The following POLA1 variants were observed in gnomAD, a reference collection of about 807,000 sequenced individuals.
POLA1 encodes DNA polymerase alpha 1, catalytic subunit.
Under a neutral mutation model 124.0 loss-of-function variants are expected in POLA1, and 15 were observed. The ratio of observed to expected loss-of-function variants is 0.12; its 90% CI spans 0.08 to 0.19. The LOEUF is 0.19. POLA1 is among the 10% of genes least tolerant of loss of function. The pLI is 1.00. For synonymous variants in POLA1, 408 were observed against 389.4 expected, an observed-to-expected ratio of 1.05 and a Z score of -0.56; for missense variants, 886 against 1,103.4, an observed-to-expected ratio of 0.80 and a Z score of 2.79.
At chrX:24,741,864 TTTTTTTTTTAAAAAAAAAGCAGACCG>T in intron 21 of POLA1, 112 bp from the exon 22 acceptor site, 1 of 466,033 alleles carries the variant, frequency 2.1e-6, no homozygotes, top group Non-Finnish European at 3.5e-6. Flanking sequence ...TTAGTACCTT[TTTTTTTTTTAAAAAAAAAGCAGACCG>T]TTATTAGGAA....
At chrX:24,972,091 C>T (rs949415804) in intron 36 of POLA1, among the ~76,000 whole-genome samples, 68 of 110,533 alleles carry the variant, frequency 6.2e-4, no homozygotes, top group South Asian at 1.1e-3. Context: ...GCCTCAGCCT[C>T]CCAAGTAGCT....
At chrX:24,756,263 A>T (rs924357420) in intron 26 of POLA1, among the ~76,000 whole-genome samples, 1 of 111,563 alleles carries the variant, frequency 9.0e-6, no homozygotes, top group African/African-American at 3.3e-5. Context: ...TTGGACATGT[A>T]AAAAATACAA....
At chrX:24,817,924 C>G (rs1601764216) in intron 30 of POLA1, among the ~76,000 whole-genome samples, 1 of 101,811 alleles carries the variant, frequency 9.8e-6, no homozygotes, top group East Asian at 3.0e-4. Flanking sequence ...TGTGGATGGT[C>G]TCATGACAAT....
intron 36 of POLA1, among the ~76,000 whole-genome samples, chrX:24,973,242 T>C (rs1244916103): frequency 9.0e-6 from 1 of 111,179 alleles, no homozygotes; most frequent in Admixed American, 9.5e-5. Flanking sequence ...CCTGTAATCC[T>C]AGCTACTACT....
intron 36 of POLA1, among the ~76,000 whole-genome samples, chrX:24,986,498 G>A (rs940908182): frequency 5.5e-5 from 6 of 108,980 alleles, no homozygotes; most frequent in Non-Finnish European, 9.5e-5. Context: ...TCAGGTGACC[G>A]GTAGCTCACA....
intron 26 of POLA1, among the ~76,000 whole-genome samples, chrX:24,798,649 G>T (rs758592558): frequency 2.7e-5 from 3 of 110,462 alleles, no homozygotes; most frequent in Middle Eastern, 4.6e-3. Flanking sequence ...ACGAAATAAT[G>T]TGTTAACCGT....
rs778150115 is a variant in POLA1, at chrX:24,737,732, A to C, written c.2031A>C (p.Pro677=). 1 of 1,054,043 alleles carries C rather than the reference A, an allele frequency of 9.5e-7. No homozygotes were observed. The highest frequency in any genetic ancestry group is 1.3e-6 in the Non-Finnish European group (1 of 760,750). 86.9% of individuals were successfully genotyped at this position (1,054,043 alleles called of 1,213,427 possible). ...GTCGACTGAAGCGATCCAACATGCC[A>C]AAGCTTGGGGTAATAATAATTTTCA... ...KIGRLKRSNM[P]KLGGRSGFGE... is the part of the protein sequence containing the mutation. Residue 677 remains proline, a synonymous_variant, in exon 19 of 37, where the codon CCA becomes CCC. Coordinates refer to ENST00000379068, the MANE Select transcript of POLA1 (RefSeq NM_001330360.2).
intron 36 of POLA1, among the ~76,000 whole-genome samples, chrX:24,970,183 C>G (rs763975929): frequency 2.1e-4 from 23 of 111,975 alleles, no homozygotes; most frequent in Non-Finnish European, 4.3e-4. Flanking sequence ...GTTTGACAAA[C>G]CTGACAAAAG....
chrX:24,709,157 T>C (rs1929083910), intron 4 of POLA1, among the ~76,000 whole-genome samples: 2 of 67,087 alleles, frequency 3.0e-5, no homozygotes, highest in Non-Finnish European at 5.6e-5. Flanking sequence ...GAGGCGCCCC[T>C]CACCTCCCGG....
chrX:24,914,814 A>G (rs2147186685), intron 35 of POLA1, among the ~76,000 whole-genome samples: 1 of 111,639 alleles, frequency 9.0e-6, no homozygotes, highest in South Asian at 3.8e-4. Flanking sequence ...AAGAGACTCT[A>G]TCCTGATTTG....
At chrX:24,887,590 A>T (rs752684787) in intron 34 of POLA1, among the ~76,000 whole-genome samples, 46 of 111,924 alleles carry the variant, frequency 4.1e-4, no homozygotes, top group African/African-American at 1.4e-3. Context: ...ACAGCAATTA[A>T]GTAACTAGCC....
chrX:24,804,277 A>G (rs373233492), intron 26 of POLA1, among the ~76,000 whole-genome samples: 125 of 111,745 alleles, frequency 1.1e-3, no homozygotes, highest in African/African-American at 3.9e-3. Context: ...TCATCAAGTG[A>G]GAGAACTGAG....
chrX:24,951,355 C>T (rs1018433175), intron 36 of POLA1, among the ~76,000 whole-genome samples: 1 of 83,730 alleles, frequency 1.2e-5, no homozygotes, highest in Non-Finnish European at 2.4e-5. Context: ...CCCCCCCCCC[C>T]CCCACCAAAT....
At chrX:24,905,580 T>C (rs2047354947) in intron 35 of POLA1, among the ~76,000 whole-genome samples, 2 of 88,203 alleles carry the variant, frequency 2.3e-5, no homozygotes, top group Admixed American at 1.2e-4. Flanking sequence ...TTTTTTTTTT[T>C]GAGACAGAGT....
chrX:24,774,481 G>A (rs1031189091), intron 26 of POLA1, among the ~76,000 whole-genome samples: 1 of 111,512 alleles, frequency 9.0e-6, no homozygotes. Flanking sequence ...CGCTTTATTC[G>A]GGGCCAAGGG....
chrX:24,779,991 A>G (rs758869097), intron 26 of POLA1, among the ~76,000 whole-genome samples: 1 of 111,973 alleles, frequency 8.9e-6, no homozygotes, highest in Non-Finnish European at 1.9e-5. Flanking sequence ...AGCTCTTTCT[A>G]TGGCATTTCA....
At chrX:24,916,967 T>C (rs963446192) in intron 35 of POLA1, among the ~76,000 whole-genome samples, 2 of 112,210 alleles carry the variant, frequency 1.8e-5, no homozygotes, top group African/African-American at 6.5e-5. Context: ...TACAAGCAAA[T>C]CTAGTTTCTA....
intron 26 of POLA1, among the ~76,000 whole-genome samples, chrX:24,790,524 G>A (rs1177024711): frequency 9.0e-6 from 1 of 110,956 alleles, no homozygotes; most frequent in Non-Finnish European, 1.9e-5. Flanking sequence ...TGGAGAAATT[G>A]TTGACGTCCA....
At position 24,726,947 on chromosome X, in the gene POLA1, G is replaced by A; in HGVS notation, c.1407G>A (p.Gln469=). ...TCCTTTTTCAGGCTGAAATGCCACA[G>A]CTTCCTCAAGATTTGAAAGGAGAAA... ...LEVKYSAEMP[Q]LPQDLKGETF... The change falls in exon 14 of 37, where the codon CAG becomes CAA. Residue 469 remains glutamine, a synonymous_variant. Transcript: ENST00000379068. The A allele has an allele frequency of 8.4e-7, 1 of 1,184,824 alleles. No homozygotes were observed. The highest frequency in any genetic ancestry group is 1.1e-6 in the Non-Finnish European group (1 of 881,969).
Sources: allele counts gnomAD v4.1 joint callset (sites outside exome capture counted in the v4.1 genomes callset), GRCh38; gene constraint gnomAD v4.1.1; transcripts MANE v1.5; gene names NCBI Gene and HGNC (gene_info 2026-07-23, HGNC 2026-07-21).